BMP5: variants seen among roughly 807,000 people sequenced by gnomAD.
BMP5 encodes bone morphogenetic protein 5.
In BMP5, 23 loss-of-function variants were observed where a neutral mutation model predicts 46.6. The observed-to-expected ratio is 0.49, with a 90% CI of 0.35 to 0.70. The LOEUF (loss-of-function observed/expected upper bound fraction) is 0.70, where lower values mean the gene tolerates loss of function less well. Ranked by LOEUF, BMP5 falls within the 30% of genes least tolerant of loss-of-function variation. BMP5 has a pLI of 0.00. For synonymous variants in BMP5, 204 were observed against 191.9 expected (o/e 1.06, Z -0.52); for missense variants, 545 against 565.6 (o/e 0.96, Z 0.37).
chr6:55,860,337 C>T (rs1562075535), intron 1 of BMP5, among the ~76,000 whole-genome samples: 1 of 152,076 alleles, frequency 6.6e-6, no homozygotes, highest in Non-Finnish European at 1.5e-5. Context: ...TGACAAAGAA[C>T]TCTGATTAAA....
At chr6:55,795,317 C>T (rs1319729837) in intron 2 of BMP5, among the ~76,000 whole-genome samples, 1 of 152,024 alleles carries the variant, frequency 6.6e-6, no homozygotes, top group Non-Finnish European at 1.5e-5. Context: ...AACTGTAAAA[C>T]ACTGTATCTC....
chr6:55,823,323 T>A (rs979559848), intron 1 of BMP5, among the ~76,000 whole-genome samples: 1 of 152,012 alleles, frequency 6.6e-6, no homozygotes, highest in Non-Finnish European at 1.5e-5. Flanking sequence ...ATCTAACACA[T>A]CACAATACAT....
chr6:55,759,364 A>T (rs1774709806), intron 5 of BMP5, among the ~76,000 whole-genome samples: 2 of 151,670 alleles, frequency 1.3e-5, no homozygotes, highest in Non-Finnish European at 2.9e-5. Flanking sequence ...TTTCACAAGA[A>T]ATTGTCCTCT....
In BMP5 at chr6:55,774,295, C is replaced by G. The variant is rs1775119286; in HGVS notation, c.833-52G>C. On this transcript the variant is annotated intron_variant, in intron 3 of 6. Transcript: ENST00000370830. ...TTTATGAAAAAGAAAGAACAATTACCTGATGTGAATGAATTCTGAGGGTAC... is the reference window on the plus strand; with the variant it reads ...TTTATGAAAAAGAAAGAACAATTACGTGATGTGAATGAATTCTGAGGGTAC... The G allele has an allele frequency of 2.6e-6, 4 of 1,538,750 alleles. No homozygotes were observed. The East Asian group carries it at 6.7e-5, about 26-fold the overall frequency.
chr6:55,842,593 G>A (rs1040004830), intron 1 of BMP5, among the ~76,000 whole-genome samples: 4 of 151,928 alleles, frequency 2.6e-5, no homozygotes, highest in African/African-American at 9.7e-5. Context: ...TTCACTGGCT[G>A]CTGCTCTCAG....
At chr6:55,813,723 C>G (rs1207832977) in intron 2 of BMP5, among the ~76,000 whole-genome samples, 1 of 149,436 alleles carries the variant, frequency 6.7e-6, no homozygotes, top group Non-Finnish European at 1.5e-5. Flanking sequence ...GGAGACGGAG[C>G]TTGCAGTGAG....
At chr6:55,764,187 C>T (rs1273099646) in intron 4 of BMP5, among the ~76,000 whole-genome samples, 1 of 152,150 alleles carries the variant, frequency 6.6e-6, no homozygotes, top group Non-Finnish European at 1.5e-5. Context: ...GCACTATTCA[C>T]AAGATACAGA....
chr6:55,806,788 C>T (rs754352287), intron 2 of BMP5, among the ~76,000 whole-genome samples: 23 of 152,118 alleles, frequency 1.5e-4, no homozygotes, highest in African/African-American at 4.8e-4. Context: ...CCTTCACATC[C>T]CTTGTTAGCT....
Position 55,768,398 on chromosome 6 carries a change from C to A in BMP5, c.1027+5651G>T, listed in dbSNP as rs375060111. On this transcript the variant is annotated intron_variant, in intron 4 of 6. Coordinates refer to ENST00000370830, the MANE Select transcript of BMP5 (RefSeq NM_021073.4). ...ACACAAGCATTCTGTTTTTCACTTT[C>A]AGTAGAGTGTCCAATAAATTACATA... 2.6e-5 allele frequency among the ~76,000 whole-genome samples: 4 copies of A among 151,958 alleles called. No homozygotes were observed. In the South Asian group the frequency reaches 6.2e-4, roughly 24 times the overall value.
intron 4 of BMP5, among the ~76,000 whole-genome samples, chr6:55,763,904 TTTGA>T (rs1774845736): frequency 6.6e-6 from 1 of 152,216 alleles, no homozygotes; most frequent in Non-Finnish European, 1.5e-5. Flanking sequence ...TTTTCTTTAG[TTTGA>T]TTCTTTTTGT....
In BMP5 at chr6:55,767,778, C is replaced by T. The variant is rs915594652; in HGVS notation, c.1027+6271G>A. Among the ~76,000 whole-genome samples the T allele has an allele frequency of 2.9e-4, 44 of 151,910 alleles. 1 individual carries two copies. Among genetic ancestry groups the T allele is most frequent in the Middle Eastern group, 6.8e-3 (2 of 294 alleles). ...CAGTACAGCATTTATTTTGAGAGTG[C>T]CAACTTGGAAAAAAAGCAAAATGTC... On this transcript the variant is annotated intron_variant, in intron 4 of 6. Transcript: ENST00000370830.
chr6:55,872,462 CTA>C, intron 1 of BMP5, among the ~76,000 whole-genome samples: 1 of 151,528 alleles, frequency 6.6e-6, no homozygotes, highest in African/African-American at 2.4e-5. Flanking sequence ...TAATAAACTG[CTA>C]TGTTATTATA....
At chr6:55,861,803 A>T (rs952676356) in intron 1 of BMP5, among the ~76,000 whole-genome samples, 7 of 152,216 alleles carry the variant, frequency 4.6e-5, no homozygotes, top group East Asian at 1.9e-4. Flanking sequence ...AATATGTTGG[A>T]AAGTATATAG....
chr6:55,773,930 G>C, intron 4 of BMP5, 119 bp downstream of exon 4: 2 of 1,107,982 alleles, frequency 1.8e-6, no homozygotes. Context: ...AACATCACTG[G>C]AAGATTTAAT....
At chr6:55,864,369 T>C (rs1480752077) in intron 1 of BMP5, among the ~76,000 whole-genome samples, 1 of 152,140 alleles carries the variant, frequency 6.6e-6, no homozygotes, top group African/African-American at 2.4e-5. Flanking sequence ...AAATGTCATC[T>C]TGTGGGAGGG....
At chr6:55,837,608 G>A (rs933262916) in intron 1 of BMP5, among the ~76,000 whole-genome samples, 2 of 152,134 alleles carry the variant, frequency 1.3e-5, no homozygotes, top group Non-Finnish European at 2.9e-5. Context: ...ACATCATGAA[G>A]AATAGTGTAT....
At chr6:55,794,674 G>A (rs541248625) in intron 2 of BMP5, among the ~76,000 whole-genome samples, 1 of 152,018 alleles carries the variant, frequency 6.6e-6, no homozygotes, top group Non-Finnish European at 1.5e-5. Context: ...GCTTTTCATT[G>A]GCCTTTATAA....
At chr6:55,867,257 A>G (rs1374420935) in intron 1 of BMP5, among the ~76,000 whole-genome samples, 2 of 152,040 alleles carry the variant, frequency 1.3e-5, no homozygotes, top group Non-Finnish European at 2.9e-5. Flanking sequence ...TCTTTCTCCC[A>G]ATGCCACAGT....
intron 6 of BMP5, among the ~76,000 whole-genome samples, chr6:55,755,883 T>G (rs1241547162): frequency 6.6e-6 from 1 of 151,914 alleles, no homozygotes; most frequent in Non-Finnish European, 1.5e-5. Context: ...CCCAGCCAAT[T>G]CAATTATGTG....
Sources: allele counts gnomAD v4.1 joint callset (sites outside exome capture counted in the v4.1 genomes callset), GRCh38; gene constraint gnomAD v4.1.1; transcripts MANE v1.5; gene names NCBI Gene and HGNC (gene_info 2026-07-23, HGNC 2026-07-21).